REPS2: variants seen among roughly 807,000 people sequenced by gnomAD.
REPS2 encodes the protein RALBP1 associated Eps domain containing 2.
In REPS2, 23 loss-of-function variants were observed where a neutral mutation model predicts 53.6. The observed-to-expected ratio is 0.43, with a 90% CI of 0.31 to 0.61. The LOEUF (loss-of-function observed/expected upper bound fraction) is 0.61, where lower values mean the gene tolerates loss of function less well. Ranked by LOEUF, REPS2 falls within the 20% of genes least tolerant of loss-of-function variation. REPS2 has a pLI of 0.11. For missense variants in REPS2, 446 were observed against 534.9 expected, an observed-to-expected ratio of 0.83 and a Z score of 1.64; for synonymous variants, 238 against 218.6, an observed-to-expected ratio of 1.09 and a Z score of -0.78.
chrX:17,015,354 A>G (rs1225966887), intron 2 of REPS2, among the ~76,000 whole-genome samples: 1 of 111,621 alleles, frequency 9.0e-6, no homozygotes, highest in East Asian at 2.8e-4. Context: ...TCAACCATCA[A>G]ATTCTGTAAG....
At chrX:17,115,746 T>C (rs2063044007) in intron 14 of REPS2, among the ~76,000 whole-genome samples, 1 of 112,427 alleles carries the variant, frequency 8.9e-6, no homozygotes, top group Admixed American at 9.4e-5. Context: ...ACTAGCATGC[T>C]GCCTTCAAGC....
At chrX:17,130,517 T>C in intron 14 of REPS2, among the ~76,000 whole-genome samples, 1 of 111,735 alleles carries the variant, frequency 8.9e-6, no homozygotes, top group South Asian at 3.8e-4. Context: ...TGCCGACCCA[T>C]GAGACTGGGT....
intron 13 of REPS2, among the ~76,000 whole-genome samples, chrX:17,090,374 A>G (rs1569170200): frequency 9.0e-6 from 1 of 111,541 alleles, no homozygotes; most frequent in Non-Finnish European, 1.9e-5. Context: ...GGAAATTCCC[A>G]TTTTTAAAAC....
At chrX:16,997,597 T>G (rs910941245) in intron 1 of REPS2, among the ~76,000 whole-genome samples, 1 of 112,606 alleles carries the variant, frequency 8.9e-6, no homozygotes, top group Non-Finnish European at 1.9e-5. Context: ...TTTACAAAAG[T>G]CATAAGAGAT....
At chrX:16,955,178 G>A (rs747122037) in intron 1 of REPS2, among the ~76,000 whole-genome samples, 1 of 110,556 alleles carries the variant, frequency 9.0e-6, no homozygotes, top group Non-Finnish European at 1.9e-5. Context: ...TGTTTGTTTC[G>A]TATAGGCAAG....
chrX:17,067,340 G>A (rs1275667849), intron 9 of REPS2, among the ~76,000 whole-genome samples: 1 of 111,817 alleles, frequency 8.9e-6, no homozygotes, highest in Non-Finnish European at 1.9e-5. Flanking sequence ...TTTCATCTAT[G>A]TATATATTGT....
intron 13 of REPS2, 139 bp from the exon 14 acceptor site, chrX:17,103,579 C>T: frequency 1.3e-5 from 7 of 521,252 alleles, no homozygotes; most frequent in Admixed American, 9.7e-5. Context: ...ACTCTTTTTT[C>T]TTAAGCCTTC....
intron 1 of REPS2, among the ~76,000 whole-genome samples, chrX:16,965,093 AC>A (rs1180742964): frequency 5.4e-5 from 3 of 55,700 alleles, no homozygotes; most frequent in African/African-American, 1.4e-4. Context: ...CGGGGGGCTG[AC>A]CCCCCCACCT....
rs1268653685 is a variant in REPS2 at position 17,093,184 on chromosome X, AT to A, written c.1517-10533del. Among the ~76,000 whole-genome samples, 94 of 12,445 alleles carry A rather than the reference AT, an allele frequency of 7.6e-3. 10 individuals are homozygous for A. The highest frequency in any genetic ancestry group is 8.8e-3 in the African/African-American group (31 of 3,536). The allele number at this position is 12,445 out of a possible 115,157, so 10.8% of individuals were successfully genotyped here. On this transcript the variant is annotated intron_variant, in intron 13 of 17. Transcript: ENST00000357277. Reference sequence around the variant, plus strand: ...GTTAATGCTATATATATATATATATATATATATATATATATAATTTTTTTTT... The same window carrying A: ...GTTAATGCTATATATATATATATATAATATATATATATATAATTTTTTTTT...
chrX:17,171,573 G>T, the REPS2 span, among the ~76,000 whole-genome samples: 5 of 111,416 alleles, frequency 4.5e-5, no homozygotes, highest in Non-Finnish European at 9.4e-5. Context: ...AGCCTAGAGC[G>T]CAGTGGTGTG....
At chrX:16,991,445 C>A (rs2061162541) in intron 1 of REPS2, among the ~76,000 whole-genome samples, 1 of 111,746 alleles carries the variant, frequency 8.9e-6, no homozygotes, top group East Asian at 2.8e-4. Context: ...ATAAGTGGAG[C>A]TATCAATTGG....
At chrX:17,087,924 CGATAGATA>C (rs35140640) in intron 13 of REPS2, among the ~76,000 whole-genome samples, 2,118 of 91,281 alleles carry the variant, frequency 0.023, 34 homozygotes, top group African/African-American at 0.043. Context: ...GAGACTCTGT[CGATAGATA>C]GATAGATAGA....
intron 8 of REPS2, among the ~76,000 whole-genome samples, chrX:17,058,821 G>A (rs2147945954): frequency 9.0e-6 from 1 of 111,207 alleles, no homozygotes; most frequent in South Asian, 3.7e-4. Flanking sequence ...ATCAAACTCA[G>A]TGACGGTATA....
chrX:17,148,698 A>G lies in REPS2; in HGVS notation c.*1217A>G, dbSNP rs1177146590. On this transcript the variant is annotated 3_prime_UTR_variant, in exon 18 of 18. Transcript: ENST00000357277. ...GTATCCTACAGAAATTTAAGTAGCTACTGCTTCTCCTGAAAGCCCAAGTTG... is the reference window on the plus strand; with the variant it reads ...GTATCCTACAGAAATTTAAGTAGCTGCTGCTTCTCCTGAAAGCCCAAGTTG... 3 of 183,713 alleles carry G rather than the reference A, an allele frequency of 1.6e-5. No individual in the cohort carries two copies. The highest frequency in any genetic ancestry group is 3.1e-5 in the Non-Finnish European group (3 of 97,561). 15.1% of individuals were successfully genotyped at this position (183,713 alleles called of 1,213,427 possible). A position where few individuals can be genotyped will look rare whatever the true frequency, so the allele number is the denominator to read the frequency against.
chrX:17,029,508 T>C lies in REPS2; in HGVS notation c.674-18T>C. The C allele has an allele frequency of 8.8e-7, 1 of 1,134,649 alleles. No individual in the cohort carries two copies. The highest frequency in any genetic ancestry group is 1.2e-6 in the Non-Finnish European group (1 of 827,328). The allele number at this position is 1,134,649 out of a possible 1,213,427, so 93.5% of individuals were successfully genotyped here. ...GAATCTTTGCATACCATACTGACTT[T>C]CCTTTCTGCTGTTTCAGCACCTTAT... On this transcript the variant is annotated intron_variant, in intron 4 of 17. Coordinates refer to ENST00000357277, the MANE Select transcript of REPS2 (RefSeq NM_004726.3).
chrX:17,077,164 C>T (rs1205008618), intron 12 of REPS2, 107 bp from the exon 13 acceptor site: 5 of 843,013 alleles, frequency 5.9e-6, no homozygotes, highest in Non-Finnish European at 6.6e-6. Context: ...GGTAGCTCAT[C>T]GGTTCTTTGT....
chrX:17,029,898 C>G (rs1569136399), intron 5 of REPS2, among the ~76,000 whole-genome samples: 1 of 112,292 alleles, frequency 8.9e-6, no homozygotes, highest in African/African-American at 3.2e-5. Context: ...CCTATCTAAT[C>G]ATTAGCCACC....
the REPS2 span, among the ~76,000 whole-genome samples, chrX:17,176,214 T>G: frequency 1.3e-4 from 14 of 111,779 alleles, no homozygotes; most frequent in East Asian, 4.0e-3. Context: ...TGGGATTAAG[T>G]CAAAGGTTTA....
intron 14 of REPS2, among the ~76,000 whole-genome samples, chrX:17,129,349 C>T (rs1224246155): frequency 2.7e-5 from 3 of 112,314 alleles, no homozygotes; most frequent in Non-Finnish European, 3.8e-5. Context: ...TAAATCTCAT[C>T]TTTAGTTTTT....
Sources: gnomAD v4.1 joint callset for allele counts (sites outside exome capture counted in the v4.1 genomes callset) on GRCh38, gnomAD v4.1.1 for gene constraint, MANE v1.5 for transcripts, NCBI Gene and HGNC (gene_info 2026-07-23, HGNC 2026-07-21) for gene names.